Variants in MED13 observed in about 807,000 individuals in gnomAD.
MED13 encodes mediator of RNA polymerase II transcription subunit 13.
Under a neutral mutation model 225.2 loss-of-function variants are expected in MED13, and 23 were observed. That is an observed-to-expected ratio of 0.10 (90% CI 0.07 to 0.14). The LOEUF (loss-of-function observed/expected upper bound fraction) is 0.14, where lower values mean the gene tolerates loss of function less well. MED13 is among the 10% of genes least tolerant of loss of function. MED13 has a pLI of 1.00. For synonymous variants in MED13, 942 were observed against 889.2 expected (o/e 1.06, Z -1.06); for missense variants, 2,197 against 2,594.5 (o/e 0.85, Z 3.33).
chr17:61,993,186 T>TAA (rs1291737915), intron 10 of MED13, among the ~76,000 whole-genome samples: 1 of 136,612 alleles, frequency 7.3e-6, no homozygotes, highest in African/African-American at 3.4e-5. Flanking sequence ...TCCATGTTCT[T>TAA]TCTTTCTTTC....
chr17:62,031,666 A>T (rs774913437), intron 5 of MED13, 28 bp from the exon 6 acceptor site: 1 of 1,469,978 alleles, frequency 6.8e-7, no homozygotes, highest in African/African-American at 1.4e-5. Flanking sequence ...GGACAGGAAA[A>T]CCAATTACCT....
intron 12 of MED13, among the ~76,000 whole-genome samples, chr17:61,985,940 CCTAA>C (rs1482374708): frequency 3.3e-5 from 5 of 152,142 alleles, no homozygotes; most frequent in African/African-American, 1.2e-4. Context: ...CAATAGAGTT[CCTAA>C]CTTTTAGTAG....
intron 19 of MED13, 71 bp from the exon 20 acceptor site, chr17:61,965,539 T>TA: frequency 2.2e-6 from 3 of 1,383,820 alleles, no homozygotes; most frequent in Non-Finnish European, 2.9e-6. Context: ...TTCTACTGTG[T>TA]AAACAGAATC....
chr17:62,015,954 A>ATTTTTT (rs869061252), intron 8 of MED13, among the ~76,000 whole-genome samples: 1 of 12,904 alleles, frequency 7.7e-5, no homozygotes, highest in Non-Finnish European at 1.1e-4. Flanking sequence ...ATATATATAT[A>ATTTTTT]TTTTTTTTTT....
intron 16 of MED13, among the ~76,000 whole-genome samples, chr17:61,980,783 C>T (rs2080196960): frequency 6.6e-6 from 1 of 152,128 alleles, no homozygotes; most frequent in South Asian, 2.1e-4. Flanking sequence ...TGCTCTGTTG[C>T]CCAGGCTGGA....
At chr17:62,016,912 A>G (rs1337189893) in intron 8 of MED13, among the ~76,000 whole-genome samples, 3 of 152,072 alleles carry the variant, frequency 2.0e-5, no homozygotes, top group Non-Finnish European at 4.4e-5. Context: ...CAGGAGGCTG[A>G]GGCAGGAGAA....
chr17:62,035,155 G>A (rs537538721), intron 4 of MED13, among the ~76,000 whole-genome samples: 87 of 151,756 alleles, frequency 5.7e-4, no homozygotes, highest in African/African-American at 2.1e-3. Context: ...AACAAAATAT[G>A]GCTTATATGA....
In MED13 at chr17:62,065,231, C is replaced by A. The variant is rs1253798913; in HGVS notation, c.-26G>T. Reference sequence around the variant, plus strand: ...CGTCCCTCACAGCAGCCGCCGCCGGCGCCACAACCCACCATCCGCCATTAC... The same window carrying A: ...CGTCCCTCACAGCAGCCGCCGCCGGAGCCACAACCCACCATCCGCCATTAC... On this transcript the variant is annotated 5_prime_UTR_variant, in exon 1 of 30. Transcript: ENST00000397786. 1 of 1,538,146 alleles carries A rather than the reference C, an allele frequency of 6.5e-7. No individual in the cohort carries two copies. Among genetic ancestry groups the A allele is most frequent in the Admixed American group, 1.9e-5 (1 of 52,816 alleles).
chr17:61,946,976 C>T lies in MED13; in HGVS notation c.6333G>A (p.Glu2111=). ...GGTGGGAGTGTTTACTGTGAAGCAGCTCGTCAGATTGCACTGAAGGCACGT... is the reference window on the plus strand; with the variant it reads ...GGTGGGAGTGTTTACTGTGAAGCAGTTCGTCAGATTGCACTGAAGGCACGT... ...HLHVPSVQSD[E]LLHSKHSHPL... The change falls in exon 29 of 30, where the codon GAG becomes GAA. Residue 2111 remains glutamate (E), a synonymous_variant. Transcript: ENST00000397786. 1 of 1,614,096 alleles carries T rather than the reference C, an allele frequency of 6.2e-7. No homozygotes were observed. The highest frequency in any genetic ancestry group is 8.5e-7 in the Non-Finnish European group (1 of 1,179,980).
intron 26 of MED13, among the ~76,000 whole-genome samples, chr17:61,954,200 C>A (rs552313300): frequency 3.9e-5 from 6 of 151,984 alleles, no homozygotes; most frequent in Non-Finnish European, 8.8e-5. Context: ...ATATAACACA[C>A]GAAAACAAGA....
intron 8 of MED13, among the ~76,000 whole-genome samples, chr17:62,028,203 T>C (rs1394946471): frequency 1.3e-5 from 2 of 152,130 alleles, no homozygotes; most frequent in East Asian, 1.9e-4. Flanking sequence ...ATATACACCA[T>C]GGAATACTGT....
intron 8 of MED13, among the ~76,000 whole-genome samples, chr17:62,020,436 G>A (rs1438110905): frequency 6.6e-6 from 1 of 151,956 alleles, no homozygotes; most frequent in African/African-American, 2.4e-5. Flanking sequence ...GAGTGCAGTG[G>A]CACGATCTCG....
At position 61,949,619 on chromosome 17, in the gene MED13, C is replaced by T. The variant is rs371553729; in HGVS notation, c.6291+1206G>A. ...TTTTTTTAACACAGCAATCTACACA[C>T]AGCTAGAAAAACTTTTTTAAGTAGT... On this transcript the variant is annotated intron_variant, in intron 28 of 29. Transcript: ENST00000397786. 1.1e-4 allele frequency among the ~76,000 whole-genome samples: 17 copies of T among 152,232 alleles called. No homozygotes were observed. In the South Asian group the frequency reaches 3.3e-3, roughly 30 times the overall value.
chr17:61,984,659 CAGA>C lies in MED13; in HGVS notation c.2680_2682del (p.Ser894del). On this transcript the variant is annotated inframe_deletion, in exon 14 of 30. Coordinates refer to ENST00000397786, the MANE Select transcript of MED13 (RefSeq NM_005121.3). The stretch of plus-strand genomic sequence containing the variant: ...AGAAAAAACATACTTACTTTAATTT[CAGA>C]AGGTTTGGGGCTACAGAATCCCTCA... The C allele has an allele frequency of 6.3e-7, 1 of 1,598,554 alleles. No homozygotes were observed. Among genetic ancestry groups the C allele is most frequent in the South Asian group, 1.1e-5 (1 of 87,234 alleles).
chr17:61,947,939 T>G (rs1026070079), intron 28 of MED13, among the ~76,000 whole-genome samples: 2 of 152,198 alleles, frequency 1.3e-5, no homozygotes, highest in Non-Finnish European at 2.9e-5. Flanking sequence ...AGGTGTTCTC[T>G]CCTCTGCAAC....
At chr17:61,991,102 T>A (rs952747940) in intron 11 of MED13, among the ~76,000 whole-genome samples, 1 of 152,172 alleles carries the variant, frequency 6.6e-6, no homozygotes, top group East Asian at 1.9e-4. Flanking sequence ...TTATTCTAAA[T>A]CATTTTTCAA....
At chr17:62,054,808 A>T (rs746501148) in intron 2 of MED13, among the ~76,000 whole-genome samples, 49 of 152,180 alleles carry the variant, frequency 3.2e-4, no homozygotes, top group Non-Finnish European at 1.3e-4. Flanking sequence ...CAATCAATTT[A>T]GTATCTTTTA....
chr17:61,975,929 T>A (rs1268122962), intron 16 of MED13, among the ~76,000 whole-genome samples: 1 of 152,042 alleles, frequency 6.6e-6, no homozygotes, highest in Non-Finnish European at 1.5e-5. Context: ...GGCGGGAGAA[T>A]TGCTTGAACC....
chr17:61,963,625 A>T lies in MED13; in HGVS notation c.4845-654T>A, dbSNP rs193189361. On this transcript the variant is annotated intron_variant, in intron 20 of 29. Transcript: ENST00000397786. The stretch of plus-strand genomic sequence containing the variant: ...CTGGTCCCATTTTTAGACTATATAC[A>T]TTTATTTCATACTTTACAGCTTCAA... Among the ~76,000 whole-genome samples the T allele has an allele frequency of 6.6e-5, 10 of 152,160 alleles. No individual in the cohort carries two copies. In the East Asian group the frequency reaches 1.9e-3, roughly 29 times the overall value.
Sources: allele counts gnomAD v4.1 joint callset (sites outside exome capture counted in the v4.1 genomes callset), GRCh38; gene constraint gnomAD v4.1.1; transcripts MANE v1.5; gene names NCBI Gene and HGNC (gene_info 2026-07-23, HGNC 2026-07-21).